Variants in SOX5 observed in about 807,000 individuals in gnomAD.
SOX5 encodes the protein SRY-box transcription factor 5, also known as transcription factor SOX-5.
A neutral mutation model predicts 92.0 loss-of-function variants in SOX5; 9 were observed. That is an observed-to-expected ratio of 0.10 (90% CI 0.06 to 0.17). The LOEUF (loss-of-function observed/expected upper bound fraction) is 0.17, where lower values mean the gene tolerates loss of function less well. Ranked by LOEUF, SOX5 falls within the 10% of genes least tolerant of loss-of-function variation. SOX5 has a pLI of 1.00. For missense variants in SOX5, 642 were observed against 944.5 expected, an observed-to-expected ratio of 0.68 and a Z score of 4.20; for synonymous variants, 344 against 336.3, an observed-to-expected ratio of 1.02 and a Z score of -0.25.
Position 23,896,750 on chromosome 12 carries a change from T to C in SOX5, c.39-726A>G, listed in dbSNP as rs538308793. Among the ~76,000 whole-genome samples, 9 of 151,204 alleles carry C rather than the reference T, an allele frequency of 6.0e-5. No individual in the cohort carries two copies. In the South Asian group the frequency reaches 1.9e-3, roughly 31 times the overall value. On this transcript the variant is annotated intron_variant, in intron 1 of 14. Coordinates refer to ENST00000451604, the MANE Select transcript of SOX5 (RefSeq NM_006940.6). ...AAAAAAAGGTGAGAATATTAAAATA[T>C]TTCAATTCTATTTTCACAACTCTAT...
chr12:23,858,124 T>A (rs1262719340), intron 2 of SOX5, among the ~76,000 whole-genome samples: 1 of 152,048 alleles, frequency 6.6e-6, no homozygotes, highest in Admixed American at 6.6e-5. Context: ...GTGCACTTTG[T>A]TGTTTTTTTG....
chr12:23,864,249 T>G (rs1210880746), intron 2 of SOX5, among the ~76,000 whole-genome samples: 1 of 152,158 alleles, frequency 6.6e-6, no homozygotes, highest in Non-Finnish European at 1.5e-5. Context: ...CACCATTGAC[T>G]GCTATTTTCC....
chr12:23,712,406 C>A (rs77482846), intron 6 of SOX5, among the ~76,000 whole-genome samples: 2 of 152,070 alleles, frequency 1.3e-5, no homozygotes, highest in Admixed American at 6.6e-5. Flanking sequence ...TAGGTACAAA[C>A]GAGTCTTAGG....
In SOX5 at chr12:23,734,670, T is replaced by C; in HGVS notation, c.810+14A>G. 1.3e-6 allele frequency: 2 copies of C among 1,589,714 alleles called. No individual in the cohort carries two copies. Among genetic ancestry groups the C allele is most frequent in the South Asian group, 2.2e-5 (2 of 89,788 alleles). On this transcript the variant is annotated intron_variant, in intron 6 of 14. Transcript: ENST00000451604. ...TTTTTAAATTGTAAGTATATTGAAA[T>C]TATGATTTCTGACCTGGATCTGTTG...
At position 24,393,561 on chromosome 12, in the gene SOX5, T is replaced by C. The variant is rs1483533128; in HGVS notation, c.-250-24922A>G. Among the ~76,000 whole-genome samples the C allele has an allele frequency of 1.3e-5, 2 of 152,196 alleles. No homozygotes were observed. The highest frequency in any genetic ancestry group is 4.8e-5 in the African/African-American group (2 of 41,434). ...TGATTCTTGCATTAGAAATTTACTG[T>C]GAAAAACTTACAATAAAAACATTAA... On this transcript the variant is annotated intron_variant, in intron 1 of 4. Transcript: ENST00000446891. The surrounding 1 kb of genome is among the most constrained non-coding windows in gnomAD (Gnocchi z 5.0).
At chr12:24,349,512 G>T (rs918245462) in intron 2 of SOX5, among the ~76,000 whole-genome samples, 3 of 152,098 alleles carry the variant, frequency 2.0e-5, no homozygotes, top group African/African-American at 7.2e-5. Context: ...CCACATAAAT[G>T]GAATACTCTC....
At chr12:23,779,180 T>C (rs1207880845) in intron 3 of SOX5, among the ~76,000 whole-genome samples, 6 of 152,136 alleles carry the variant, frequency 3.9e-5, no homozygotes. Context: ...CATTTAGCAA[T>C]ACTCACCTAA....
intron 1 of SOX5, among the ~76,000 whole-genome samples, chr12:24,412,148 G>A (rs548709263): frequency 2.9e-4 from 44 of 152,118 alleles, no homozygotes; most frequent in African/African-American, 8.9e-4. Flanking sequence ...TCGATAAATC[G>A]TATCGATTAC....
At chr12:24,382,443 A>T (rs548547414) in intron 1 of SOX5, among the ~76,000 whole-genome samples, 1 of 152,094 alleles carries the variant, frequency 6.6e-6, no homozygotes, top group East Asian at 1.9e-4. Flanking sequence ...GAAAGGGGGT[A>T]TGGAGGAAAA....
intron 3 of SOX5, among the ~76,000 whole-genome samples, chr12:23,758,008 C>CAAAAAAA (rs34841595): frequency 1.7e-3 from 115 of 68,248 alleles, no homozygotes; most frequent in African/African-American, 3.7e-3. Context: ...GCACACACTA[C>CAAAAAAA]AAAAAAAAAA....
chr12:24,350,403 T>G (rs947492418), intron 2 of SOX5, among the ~76,000 whole-genome samples: 3 of 152,100 alleles, frequency 2.0e-5, no homozygotes, highest in Non-Finnish European at 4.4e-5. Context: ...CAGGATGGAG[T>G]GCACGATCAC....
chr12:23,811,557 A>C (rs1424270547), intron 3 of SOX5, among the ~76,000 whole-genome samples: 1 of 152,134 alleles, frequency 6.6e-6, no homozygotes, highest in African/African-American at 2.4e-5. Context: ...TTTACAGCCA[A>C]AATAAAGAGA....
At chr12:24,326,336 C>G (rs1950675849) in intron 2 of SOX5, among the ~76,000 whole-genome samples, 1 of 151,932 alleles carries the variant, frequency 6.6e-6, no homozygotes, top group Non-Finnish European at 1.5e-5. Flanking sequence ...GGAGGAGGAA[C>G]GAATATGGTA....
chr12:23,578,985 A>AAAGACTGTATTCCCAG (rs1949663715), intron 9 of SOX5, among the ~76,000 whole-genome samples: 1 of 152,208 alleles, frequency 6.6e-6, no homozygotes, highest in Non-Finnish European at 1.5e-5. Context: ...AGCAAAGAGA[A>AAAGACTGTATTCCCAG]AAGACTGTAT....
chr12:23,661,655 A>G (rs917030019), intron 7 of SOX5, among the ~76,000 whole-genome samples: 15 of 152,322 alleles, frequency 9.8e-5, no homozygotes, highest in African/African-American at 3.6e-4. Context: ...AAAAATATGT[A>G]TCTGACACAA....
In SOX5 at chr12:23,820,611, G is replaced by A. The variant is rs569452799; in HGVS notation, c.481+25372C>T. ...GAGTTAATTTTTGTATAAAGTATAG[G>A]GAAGGGGTCCAATTTCAGTTTTCTG... is the stretch of plus-strand genomic sequence containing the variant. On this transcript the variant is annotated intron_variant, in intron 3 of 14. Transcript: ENST00000451604. Among the ~76,000 whole-genome samples, 14 of 152,256 alleles carry A rather than the reference G, an allele frequency of 9.2e-5. No homozygotes were observed. In the South Asian group the frequency reaches 2.9e-3, roughly 32 times the overall value.
At chr12:23,902,265 T>C (rs1350948721) in intron 1 of SOX5, among the ~76,000 whole-genome samples, 2 of 152,172 alleles carry the variant, frequency 1.3e-5, no homozygotes, top group African/African-American at 4.8e-5. Flanking sequence ...AGACTCAGAA[T>C]AGGGATTGCT....
intron 3 of SOX5, among the ~76,000 whole-genome samples, chr12:24,264,113 G>A (rs1942669559): frequency 3.3e-5 from 5 of 152,086 alleles, no homozygotes. Flanking sequence ...AAACATAAGG[G>A]AGAGGTGAGG....
intron 6 of SOX5, among the ~76,000 whole-genome samples, chr12:23,682,110 T>C (rs1440896197): frequency 6.6e-6 from 1 of 151,778 alleles, no homozygotes; most frequent in Non-Finnish European, 1.5e-5. Flanking sequence ...GAATTCTGCA[T>C]CCAATAATTA....
Sources: gnomAD v4.1 joint callset for allele counts (sites outside exome capture counted in the v4.1 genomes callset) on GRCh38, gnomAD v4.1.1 for gene constraint, Gnocchi (gnomAD v3.1) non-coding constraint, MANE v1.5 for transcripts, NCBI Gene and HGNC (gene_info 2026-07-23, HGNC 2026-07-21) for gene names.